TMEM44: variants seen among roughly 807,000 people sequenced by gnomAD.
TMEM44 encodes the protein transmembrane protein 44.
Under a neutral mutation model 47.8 loss-of-function variants are expected in TMEM44, and 43 were observed. The observed-to-expected ratio is 0.90, with a 90% CI of 0.70 to 1.16. The LOEUF (loss-of-function observed/expected upper bound fraction) is 1.16, where lower values mean the gene tolerates loss of function less well. TMEM44 is among the 50% of genes most tolerant of loss of function. The pLI is 0.00. For synonymous variants in TMEM44, 277 were observed against 238.8 expected (o/e 1.16, Z -1.48); for missense variants, 568 against 555.2 (o/e 1.02, Z -0.23).
At chr3:194,604,508 C>G (rs1714558777) in intron 8 of TMEM44, 63 bp from the exon 9 acceptor site, 1 of 1,452,748 alleles carries the variant, frequency 6.9e-7, no homozygotes, top group East Asian at 2.5e-5. Context: ...GTTGAATTGT[C>G]AAAGCATTCA....
intron 9 of TMEM44, among the ~76,000 whole-genome samples, chr3:194,595,037 C>A (rs1255031627): frequency 6.6e-6 from 1 of 152,184 alleles, no homozygotes; most frequent in Non-Finnish European, 1.5e-5. Context: ...AGTCTTTTCC[C>A]TGTTTCAAGA....
At chr3:194,594,738 A>G (rs1350767514) in intron 9 of TMEM44, among the ~76,000 whole-genome samples, 1 of 152,232 alleles carries the variant, frequency 6.6e-6, no homozygotes, top group African/African-American at 2.4e-5. Context: ...AAGTTAACTT[A>G]GCGAAAAAGT....
At chr3:194,591,338 C>T (rs763223585) in intron 9 of TMEM44, among the ~76,000 whole-genome samples, 1 of 150,918 alleles carries the variant, frequency 6.6e-6, no homozygotes, top group Non-Finnish European at 1.5e-5. Context: ...ATTAAAAATA[C>T]AAAAAATTAG....
intron 7 of TMEM44, among the ~76,000 whole-genome samples, chr3:194,614,215 A>C (rs1009108270): frequency 1.3e-5 from 2 of 152,194 alleles, no homozygotes; most frequent in South Asian, 4.1e-4. Context: ...CAAACAGCAA[A>C]TGGGTCCTCG....
At position 194,588,469 on chromosome 3, in the gene TMEM44, G is replaced by T; in HGVS notation, c.*60C>A. 6.8e-7 allele frequency: 1 copy of T among 1,477,030 alleles called. No individual in the cohort carries two copies. The highest frequency in any genetic ancestry group is 9.4e-7 in the Non-Finnish European group (1 of 1,060,016). 91.5% of individuals were successfully genotyped at this position (1,477,030 alleles called of 1,614,324 possible). Reference sequence around the variant, plus strand: ...GTGTCAGTGCAGATTGATTCCCGCTGCGTTACTGAACGAACTCCTGACCCT... The same window carrying T: ...GTGTCAGTGCAGATTGATTCCCGCTTCGTTACTGAACGAACTCCTGACCCT... On this transcript the variant is annotated 3_prime_UTR_variant, in exon 10 of 10. Transcript: ENST00000347147.
intron 5 of TMEM44, chr3:194,617,500 A>G (rs1716040483): frequency 4.9e-6 from 3 of 609,694 alleles, no homozygotes; most frequent in South Asian, 2.0e-5. Context: ...TCCCCTTACC[A>G]ACTCCACCCT....
At chr3:194,624,870 C>T (rs1392292237) in intron 3 of TMEM44, among the ~76,000 whole-genome samples, 1 of 152,104 alleles carries the variant, frequency 6.6e-6, no homozygotes, top group African/African-American at 2.4e-5. Context: ...CATGCCACCA[C>T]ATCCAGCTAA....
At chr3:194,607,296 G>A (rs895612392) in intron 8 of TMEM44, among the ~76,000 whole-genome samples, 4 of 152,108 alleles carry the variant, frequency 2.6e-5, no homozygotes, top group South Asian at 4.1e-4. Context: ...CTGGCACCAC[G>A]TAAACATGCA....
intron 1 of TMEM44, among the ~76,000 whole-genome samples, chr3:194,630,815 G>C (rs1396714957): frequency 2.7e-5 from 4 of 149,958 alleles, no homozygotes; most frequent in Admixed American, 2.6e-4. Context: ...GGGGCTGGCT[G>C]TTTCCGTCGG....
chr3:194,597,721 C>T (rs1481392845), intron 9 of TMEM44, among the ~76,000 whole-genome samples: 1 of 151,984 alleles, frequency 6.6e-6, no homozygotes, highest in East Asian at 1.9e-4. Context: ...TCAGGCCTTC[C>T]ACAGCATACG....
intron 7 of TMEM44, 44 bp downstream of exon 7, chr3:194,615,525 G>T: frequency 6.2e-7 from 1 of 1,604,526 alleles, no homozygotes; most frequent in South Asian, 1.1e-5. Context: ...CTGTTGCTGG[G>T]ACCAGAGTTT....
rs1325189661 is a variant in TMEM44 at position 194,617,213 on chromosome 3, C to T, written c.669G>A (p.Leu223=). 1 of 1,552,182 alleles carries T rather than the reference C, an allele frequency of 6.4e-7. No individual in the cohort carries two copies. The highest frequency in any genetic ancestry group is 8.7e-7 in the Non-Finnish European group (1 of 1,147,682). ...IHLWTRLLSA[L]AGLLYASAIV... is the part of the protein sequence containing the mutation. Reference sequence around the variant, plus strand: ...TGGCCGAGGCATAGAGGAGGCCAGCCAGGGCCGACAGGAGCCGGGTCCACA... The same window carrying T: ...TGGCCGAGGCATAGAGGAGGCCAGCTAGGGCCGACAGGAGCCGGGTCCACA... Residue 223 remains leucine (L), a synonymous_variant, in exon 6 of 10, where the codon CTG becomes CTA. Transcript: ENST00000347147.
At chr3:194,600,101 T>C (rs984865661) in intron 9 of TMEM44, among the ~76,000 whole-genome samples, 1 of 150,150 alleles carries the variant, frequency 6.7e-6, no homozygotes, top group Non-Finnish European at 1.5e-5. Flanking sequence ...TTTTGTTTTG[T>C]TTTGTTTTCA....
rs1448424934 is a variant in TMEM44 at position 194,601,205 on chromosome 3, G to A, written c.1176+3082C>T. On this transcript the variant is annotated intron_variant, in intron 9 of 9. Transcript: ENST00000347147. ...TTCACCCAGCCTGGAGTGAAGTGGC[G>A]TGATCTCGGCTCACTGCAATCTCCG... 3.3e-5 allele frequency among the ~76,000 whole-genome samples: 5 copies of A among 151,044 alleles called. No homozygotes were observed. In the South Asian group the frequency reaches 6.3e-4, roughly 19 times the overall value.
chr3:194,614,039 T>C (rs1715620288), intron 7 of TMEM44, among the ~76,000 whole-genome samples: 1 of 151,910 alleles, frequency 6.6e-6, no homozygotes, highest in African/African-American at 2.4e-5. Context: ...GGAGAATCGC[T>C]TGAACCCGGG....
chr3:194,610,888 C>A, intron 8 of TMEM44, 28 bp downstream of exon 8: 1 of 1,596,918 alleles, frequency 6.3e-7, no homozygotes, highest in Non-Finnish European at 8.6e-7. Flanking sequence ...TCCTCTCAGA[C>A]ACCTGGCCAT....
rs1440178195 is a variant in TMEM44, at chr3:194,611,139, T to C, written c.913-119A>G. On this transcript the variant is annotated intron_variant, in intron 7 of 9. Coordinates refer to ENST00000347147, the MANE Select transcript of TMEM44 (RefSeq NM_001011655.3). The surrounding 1 kb of genome is among the most constrained non-coding windows in gnomAD (Gnocchi z 4.2). ...CGTGGTATTTTCTCTCTCTCTTTTT[T>C]AACGGCACGTCTCACTTTCTGCTTC... 1 of 761,616 alleles carries C rather than the reference T, an allele frequency of 1.3e-6. No homozygotes were observed. The highest frequency in any genetic ancestry group is 1.7e-5 in the African/African-American group (1 of 57,796). 47.2% of individuals were successfully genotyped at this position (761,616 alleles called of 1,614,324 possible).
chr3:194,629,593 G>T (rs143466038), intron 1 of TMEM44, among the ~76,000 whole-genome samples: 1 of 152,092 alleles, frequency 6.6e-6, no homozygotes, highest in Non-Finnish European at 1.5e-5. Context: ...TCCTGAAGGG[G>T]CTGGCTGTTT....
At chr3:194,620,208 T>C (rs1438711438) in intron 5 of TMEM44, among the ~76,000 whole-genome samples, 1 of 150,426 alleles carries the variant, frequency 6.6e-6, no homozygotes, top group Non-Finnish European at 1.5e-5. Flanking sequence ...GAAGAATCGC[T>C]TGAACCCAGG....
Sources: gnomAD v4.1 joint callset for allele counts (sites outside exome capture counted in the v4.1 genomes callset) on GRCh38, gnomAD v4.1.1 for gene constraint, Gnocchi (gnomAD v3.1) non-coding constraint, MANE v1.5 for transcripts, NCBI Gene and HGNC (gene_info 2026-07-23, HGNC 2026-07-21) for gene names.